The following PTRH1 variants were observed in gnomAD, a reference collection of about 807,000 sequenced individuals.
The protein encoded by PTRH1 is peptidyl-tRNA hydrolase.
In PTRH1, 13 loss-of-function variants were observed where a neutral mutation model predicts 15.7. That is an observed-to-expected ratio of 0.83 (90% CI 0.54 to 1.31). The LOEUF (loss-of-function observed/expected upper bound fraction) is 1.31, where lower values mean the gene tolerates loss of function less well. Among genes scored for constraint, PTRH1 ranks in the 40% most tolerant of loss-of-function variants. The pLI is 0.00. For synonymous variants in PTRH1, 139 were observed against 136.7 expected (o/e 1.02, Z -0.12); for missense variants, 319 against 296.2 (o/e 1.08, Z -0.56).
chr9:127,714,941 G>GGGGGGGGCGCCCCCCCCCC, intron 2 of PTRH1, 34 bp downstream of exon 2: 1 of 446,382 alleles, frequency 2.2e-6, no homozygotes, highest in Non-Finnish European at 4.1e-6. Flanking sequence ...CACCCCCTTG[G>GGGGGGGGCGCCCCCCCCCC]CCCGCCCGCC....
downstream of PTRH1, chr9:127,710,852 G>A (rs1842750115): frequency 4.3e-6 from 6 of 1,400,824 alleles, no homozygotes; most frequent in Admixed American, 4.4e-5. Context: ...TGGGGGGTTA[G>A]ATGGGGAAAC....
intron 2 of PTRH1, among the ~76,000 whole-genome samples, chr9:127,694,301 T>A (rs1384035164): frequency 6.6e-6 from 1 of 152,168 alleles, no homozygotes; most frequent in Non-Finnish European, 1.5e-5. Context: ...CTGGAATTTT[T>A]AAAATTCTAA....
chr9:127,706,628 C>T (rs1842651983), intron 1 of PTRH1, among the ~76,000 whole-genome samples: 1 of 152,318 alleles, frequency 6.6e-6, no homozygotes, highest in South Asian at 2.1e-4. Context: ...GACACTGTCA[C>T]CCCAGGCCAC....
intron 1 of PTRH1, among the ~76,000 whole-genome samples, chr9:127,697,491 C>A (rs1842570703): frequency 6.6e-6 from 1 of 152,054 alleles, no homozygotes; most frequent in Non-Finnish European, 1.5e-5. Flanking sequence ...AAAACCCCAT[C>A]TCTACAAAAA....
At chr9:127,701,724 C>T (rs977916767) in intron 1 of PTRH1, among the ~76,000 whole-genome samples, 1 of 151,872 alleles carries the variant, frequency 6.6e-6, no homozygotes, top group Non-Finnish European at 1.5e-5. Context: ...CCAGCCTGAC[C>T]AACATGGAGA....
rs182041084 is a variant in PTRH1 at position 127,705,284 on chromosome 9, G to A, written c.206-10143C>T. On this transcript the variant is annotated intron_variant, in intron 1 of 2. Transcript: ENST00000335223. The surrounding 1 kb of genome is among the most constrained non-coding windows in gnomAD (Gnocchi z 4.7). ...CATCAGCCTCAGTCTCCAAGACTAC[G>A]GAAGGCAGCTGGAGAAGCGATAATG... Among the ~76,000 whole-genome samples the A allele has an allele frequency of 1.8e-4, 27 of 152,320 alleles. 1 individual carries two copies. In the East Asian group the frequency reaches 5.0e-3, roughly 28 times the overall value.
chr9:127,707,262 G>A (rs1842667863), intron 1 of PTRH1: 1 of 1,553,414 alleles, frequency 6.4e-7, no homozygotes, highest in Admixed American at 1.8e-5. Context: ...CCCCCATGCA[G>A]GTTTGGCCAT....
chr9:127,702,526 G>A (rs530672777), intron 1 of PTRH1, among the ~76,000 whole-genome samples: 2 of 152,000 alleles, frequency 1.3e-5, no homozygotes, highest in Non-Finnish European at 2.9e-5. Flanking sequence ...GACAGAGTGA[G>A]ACCCTGTCTC....
At chr9:127,711,216 C>T, downstream of PTRH1, 4 of 1,612,040 alleles carry the variant, frequency 2.5e-6, no homozygotes, top group Non-Finnish European at 3.4e-6. Flanking sequence ...TCCCCTCCCA[C>T]CTTTCTGGCC....
downstream of PTRH1, chr9:127,709,572 G>T: frequency 1.9e-6 from 3 of 1,614,094 alleles, no homozygotes; most frequent in Non-Finnish European, 2.5e-6. This position sits in a 1 kb window ranked among gnomAD's most constrained non-coding sequence, Gnocchi z 4.7. Flanking sequence ...TCAACGAGCA[G>T]CTCCAGAACT....
chr9:127,698,905 C>CTTTT (rs143136665), intron 1 of PTRH1, among the ~76,000 whole-genome samples: 3 of 136,866 alleles, frequency 2.2e-5, no homozygotes, highest in Non-Finnish European at 3.2e-5. Flanking sequence ...ACAAGACCAA[C>CTTTT]TTTTTTTTTT....
At chr9:127,711,407 A>G, downstream of PTRH1, 1 of 1,614,164 alleles carries the variant, frequency 6.2e-7, no homozygotes, top group Non-Finnish European at 8.5e-7. Flanking sequence ...TGAGCAGCTC[A>G]AGGGAAGACA....
In PTRH1 at chr9:127,714,623, C is replaced by T; in HGVS notation, c.396G>A (p.Leu132=). Residue 132 remains leucine (L), a synonymous_variant, in exon 3 of 5, where the codon CTG becomes CTA. Coordinates refer to ENST00000543175, the MANE Select transcript of PTRH1 (RefSeq NM_001002913.3). Reference sequence around the variant, plus strand: ...CTCACCTGGCACTGCCCCCCAGCTTCAGAGCCAGTCTCCCCAGGGGCTTGT... The same window carrying T: ...CTCACCTGGCACTGCCCCCCAGCTTTAGAGCCAGTCTCCCCAGGGGCTTGT... The part of the protein sequence containing the change: ...ELDKPLGRLA[L]KLGGSARGHN... 1.9e-6 allele frequency: 3 copies of T among 1,614,036 alleles called. No homozygotes were observed. Among genetic ancestry groups the T allele is most frequent in the Non-Finnish European group, 2.5e-6 (3 of 1,179,932 alleles).
intron 1 of PTRH1, among the ~76,000 whole-genome samples, chr9:127,698,389 A>G (rs1842578437): frequency 6.6e-6 from 1 of 152,226 alleles, no homozygotes; most frequent in Non-Finnish European, 1.5e-5. Flanking sequence ...AATGGCTACT[A>G]GAAAAACGAA....
intron 1 of PTRH1, chr9:127,695,731 A>G (rs1425426294): frequency 2.0e-5 from 3 of 152,178 alleles, no homozygotes; most frequent in Non-Finnish European, 4.4e-5. Flanking sequence ...CTTCTTTTAA[A>G]ACAGTTTCTT....
downstream of PTRH1, chr9:127,709,448 C>T: frequency 6.2e-7 from 1 of 1,613,748 alleles, no homozygotes; most frequent in Non-Finnish European, 8.5e-7. The surrounding 1 kb of genome is among the most constrained non-coding windows in gnomAD (Gnocchi z 4.7). Flanking sequence ...GATGAGCTGG[C>T]TGTGCAGGAG....
chr9:127,696,745 C>T (rs975516594), intron 1 of PTRH1, among the ~76,000 whole-genome samples: 8 of 152,066 alleles, frequency 5.3e-5, no homozygotes, highest in African/African-American at 1.7e-4. Context: ...ACCTGTAATC[C>T]CAGTTACTTG....
At chr9:127,695,029 G>A (rs1486709034) in exon 2 of PTRH1, 6 of 702,410 alleles carry the variant, frequency 8.5e-6, no homozygotes. Flanking sequence ...CCGGCTCCCA[G>A]GAAGCACAGT....
intron 1 of PTRH1, among the ~76,000 whole-genome samples, chr9:127,704,703 C>G (rs1243803116): frequency 6.6e-6 from 1 of 152,016 alleles, no homozygotes; most frequent in Non-Finnish European, 1.5e-5. Context: ...AGACCAGAGA[C>G]CAGAACTCCC....
Sources: gnomAD v4.1 joint callset for allele counts (sites outside exome capture counted in the v4.1 genomes callset) on GRCh38, gnomAD v4.1.1 for gene constraint, Gnocchi (gnomAD v3.1) non-coding constraint, MANE v1.5 for transcripts, NCBI Gene and HGNC (gene_info 2026-07-23, HGNC 2026-07-21) for gene names.